SLC16A6: variants seen among roughly 807,000 people sequenced by gnomAD.
The protein encoded by SLC16A6 is monocarboxylate transporter 7.
Under a neutral mutation model 33.8 loss-of-function variants are expected in SLC16A6, and 15 were observed. The observed-to-expected ratio is 0.44, with a 90% CI of 0.30 to 0.68. The LOEUF is 0.68. Ranked by LOEUF, SLC16A6 falls within the 30% of genes least tolerant of loss-of-function variation. The pLI is 0.10. For missense variants in SLC16A6, 451 were observed against 661.5 expected, an observed-to-expected ratio of 0.68 and a Z score of 3.49; for synonymous variants, 219 against 248.4, an observed-to-expected ratio of 0.88 and a Z score of 1.11.
At chr17:68,283,550 G>A (rs1407603225) in intron 1 of SLC16A6, among the ~76,000 whole-genome samples, 5 of 151,226 alleles carry the variant, frequency 3.3e-5, no homozygotes, top group African/African-American at 9.7e-5. Flanking sequence ...TGGGCACGGC[G>A]GCTCACGCCT....
At chr17:68,285,053 T>C (rs1272854662) in intron 1 of SLC16A6, among the ~76,000 whole-genome samples, 2 of 152,242 alleles carry the variant, frequency 1.3e-5, no homozygotes, top group Admixed American at 6.5e-5. Flanking sequence ...AGAGATGGTC[T>C]CTGCCTCCAT....
intron 1 of SLC16A6, among the ~76,000 whole-genome samples, chr17:68,289,041 G>A (rs2075906455): frequency 6.6e-6 from 1 of 152,118 alleles, no homozygotes; most frequent in South Asian, 2.1e-4. Context: ...GTGGTTAAGT[G>A]TCCCCTTAAA....
At chr17:68,276,352 G>A (rs1599521091) in intron 2 of SLC16A6, among the ~76,000 whole-genome samples, 1 of 152,288 alleles carries the variant, frequency 6.6e-6, no homozygotes, top group Non-Finnish European at 1.5e-5. Context: ...ATTTAAAGAA[G>A]GGCTTTAATT....
chr17:68,270,575 G>A (rs2075306596), intron 5 of SLC16A6, among the ~76,000 whole-genome samples: 2 of 150,716 alleles, frequency 1.3e-5, no homozygotes, highest in Admixed American at 1.3e-4. Context: ...AAAAAGGCCA[G>A]GGTCAATCTG....
chr17:68,278,004 C>T, intron 2 of SLC16A6, 85 bp downstream of exon 2: 1 of 874,298 alleles, frequency 1.1e-6, no homozygotes, highest in Non-Finnish European at 1.8e-6. Flanking sequence ...GAAAGCATCA[C>T]AAACACATCG....
intron 2 of SLC16A6, among the ~76,000 whole-genome samples, chr17:68,276,349 G>A (rs1555750912): frequency 6.6e-6 from 1 of 152,204 alleles, no homozygotes. Context: ...TACATTTAAA[G>A]AAGGGCTTTA....
intron 4 of SLC16A6, 136 bp downstream of exon 4, chr17:68,272,503 G>A: frequency 9.8e-7 from 1 of 1,021,252 alleles, no homozygotes; most frequent in Admixed American, 2.3e-5. Context: ...AAATGAGCTG[G>A]AGAAGAGACG....
chr17:68,285,489 G>A (rs1232113251), intron 1 of SLC16A6: 4 of 152,316 alleles, frequency 2.6e-5, no homozygotes, highest in African/African-American at 9.7e-5. Flanking sequence ...GGCCAACATG[G>A]TGAAACCCCG....
Position 68,270,961 on chromosome 17 carries a change from C to T in SLC16A6, c.1199G>A (p.Gly400Glu), listed in dbSNP as rs1555748295. The T allele has an allele frequency of 6.2e-7, 1 of 1,614,192 alleles. No individual in the cohort carries two copies. The highest frequency in any genetic ancestry group is 1.3e-5 in the African/African-American group (1 of 75,044). ...AGCAAGCAGTGGAATGTGAGTCCCT[C>T]CTATTGTTCCAACCATAAACCCAAA... Reference protein sequence around the residue: ...IFFGFMVGTIGGTHIPLLAED... With the variant: ...IFFGFMVGTIEGTHIPLLAED... Residue 400 changes from glycine to glutamate, a missense_variant, in exon 5 of 6, where the codon GGA (glycine) becomes GAA (glutamate). Gly to Glu is a moderately conservative substitution (Grantham distance 98). This residue lies in a region of SLC16A6 where 405 missense variants were observed against 510.7 expected (regional missense o/e 0.79). Coordinates refer to ENST00000580666, the MANE Select transcript of SLC16A6 (RefSeq NM_004694.5).
At position 68,269,200 on chromosome 17, in the gene SLC16A6, C is replaced by T. The variant is rs2075248224; in HGVS notation, c.1468G>A (p.Val490Met). Residue 490 changes from valine to methionine, a missense_variant, in exon 6 of 6, where the codon GTG becomes ATG. This residue lies in a region of SLC16A6 where 46 missense variants were observed against 150.8 expected (regional missense o/e 0.31). Coordinates refer to ENST00000580666, the MANE Select transcript of SLC16A6 (RefSeq NM_004694.5). Reference sequence around the variant, plus strand: ...TGTAAAGTCTTCCCACGATGGCTCACTACCTTTGTTTCACCTGAGTGATGA... The same window carrying T: ...TGTAAAGTCTTCCCACGATGGCTCATTACCTTTGTTTCACCTGAGTGATGA... ...QHHHSGETKV[V>M]SHRGKTLQDI... The T allele has an allele frequency of 3.8e-6, 6 of 1,567,742 alleles. No individual in the cohort carries two copies. Among genetic ancestry groups the T allele is most frequent in the Non-Finnish European group, 5.2e-6 (6 of 1,155,980 alleles).
intron 1 of SLC16A6, among the ~76,000 whole-genome samples, chr17:68,278,904 G>A (rs1415550885): frequency 6.6e-6 from 1 of 152,116 alleles, no homozygotes; most frequent in Non-Finnish European, 1.5e-5. Context: ...ATAGGCATGA[G>A]CCACCACACC....
intron 1 of SLC16A6, among the ~76,000 whole-genome samples, chr17:68,285,998 A>G (rs1215820075): frequency 6.6e-6 from 1 of 152,100 alleles, no homozygotes; most frequent in Non-Finnish European, 1.5e-5. Context: ...TGACCTCGTG[A>G]TCCACCCACC....
At chr17:68,285,873 C>T (rs536730089) in intron 1 of SLC16A6, among the ~76,000 whole-genome samples, 3 of 151,898 alleles carry the variant, frequency 2.0e-5, no homozygotes, top group South Asian at 2.1e-4. Flanking sequence ...CAATTCTTTG[C>T]GTCAGCCTCC....
intron 1 of SLC16A6, among the ~76,000 whole-genome samples, chr17:68,281,955 G>T (rs1451847192): frequency 2.0e-5 from 3 of 152,150 alleles, no homozygotes; most frequent in African/African-American, 4.8e-5. Flanking sequence ...ATTCCTCAAG[G>T]ATCTAGAACT....
Position 68,270,920 on chromosome 17 carries a change from C to T in SLC16A6, c.1240G>A (p.Gly414Ser). Reference sequence around the variant, plus strand: ...GCTGCAGAAGACATCTTCTCAATGCCCACGACATCATCCTCAGCAAGCAGT... The same window carrying T: ...GCTGCAGAAGACATCTTCTCAATGCTCACGACATCATCCTCAGCAAGCAGT... ...IPLLAEDDVV[G>S]IEKMSSAAGV... Residue 414 changes from glycine (G) to serine (S), a missense_variant, in exon 5 of 6, where the codon GGC (glycine) becomes AGC (serine). Physicochemically the swap from Gly to Ser is moderately conservative, Grantham distance 56. Coordinates refer to ENST00000580666, the MANE Select transcript of SLC16A6 (RefSeq NM_004694.5). 1 of 1,614,174 alleles carries T rather than the reference C, an allele frequency of 6.2e-7. No individual in the cohort carries two copies. The highest frequency in any genetic ancestry group is 8.5e-7 in the Non-Finnish European group (1 of 1,180,040).
Position 68,274,274 on chromosome 17 carries a change from C to T in SLC16A6, c.233-204G>A, listed in dbSNP as rs113181021. ...TGAGCCCAGGAGTTCAAGACTAGCCCGGGCAACATGGTGAAACCCCGTCTC... is the reference window on the plus strand; with the variant it reads ...TGAGCCCAGGAGTTCAAGACTAGCCTGGGCAACATGGTGAAACCCCGTCTC... On this transcript the variant is annotated intron_variant, in intron 2 of 5. Coordinates refer to ENST00000580666, the MANE Select transcript of SLC16A6 (RefSeq NM_004694.5). 494 of 445,928 alleles carry T rather than the reference C, an allele frequency of 1.1e-3. 2 individuals are homozygous for T. The highest frequency in any genetic ancestry group is 6.5e-3 in the African/African-American group (335 of 51,306). The allele number at this position is 445,928 out of a possible 1,614,324, so 27.6% of individuals were successfully genotyped here.
At position 68,268,413 on chromosome 17, in the gene SLC16A6, T is replaced by C. The variant is rs782575732; in HGVS notation, c.*683A>G. On this transcript the variant is annotated 3_prime_UTR_variant, in exon 6 of 6. Coordinates refer to ENST00000580666, the MANE Select transcript of SLC16A6 (RefSeq NM_004694.5). ...AAAAAGAAGTGGTAATCTTCACATT[T>C]ATGAAGTTCAAGTTATATATATATA... 2.1e-4 allele frequency: 29 copies of C among 137,706 alleles called. No homozygotes were observed. Among genetic ancestry groups the C allele is most frequent in the Admixed American group, 3.2e-4 (4 of 12,398 alleles). 8.5% of individuals were successfully genotyped at this position (137,706 alleles called of 1,614,324 possible).
At chr17:68,274,414 C>T (rs1260447426) in intron 2 of SLC16A6, 1 of 192,574 alleles carries the variant, frequency 5.2e-6, no homozygotes, top group Non-Finnish European at 1.1e-5. Flanking sequence ...TGCAGTGAGC[C>T]AAGATTGCAC....
rs1445006130 is a variant in SLC16A6, at chr17:68,270,927, A to G, written c.1233T>C (p.Asp411=). Residue 411 remains aspartate (D), a synonymous_variant, in exon 5 of 6, where the codon GAT becomes GAC. Transcript: ENST00000580666. The part of the protein sequence containing the change: ...GTHIPLLAED[D]VVGIEKMSSA... ...AAGACATCTTCTCAATGCCCACGAC[A>G]TCATCCTCAGCAAGCAGTGGAATGT... The G allele has an allele frequency of 2.5e-6, 4 of 1,614,112 alleles. No individual in the cohort carries two copies. In the African/African-American group the frequency reaches 4.0e-5, roughly 16 times the overall value.
Sources: gnomAD v4.1 joint callset for allele counts (sites outside exome capture counted in the v4.1 genomes callset) on GRCh38, gnomAD v4.1.1 for gene constraint, gnomAD v4.1.1 regional missense constraint, MANE v1.5 for transcripts, NCBI Gene and HGNC (gene_info 2026-07-23, HGNC 2026-07-21) for gene names.